CTSC: variants seen among roughly 807,000 people sequenced by gnomAD.
CTSC encodes cathepsin C, also known as dipeptidyl peptidase 1.
Under a neutral mutation model 40.9 loss-of-function variants are expected in CTSC, and 37 were observed. The observed-to-expected ratio is 0.91, with a 90% CI of 0.70 to 1.19. The LOEUF (loss-of-function observed/expected upper bound fraction) is 1.19, where lower values mean the gene tolerates loss of function less well. CTSC is among the 50% of genes most tolerant of loss of function. CTSC has a pLI of 0.00. For synonymous variants in CTSC, 232 were observed against 207.4 expected (o/e 1.12, Z -1.02); for missense variants, 594 against 567.3 (o/e 1.05, Z -0.48).
chr11:88,325,863 T>C, intron 2 of CTSC: 1 of 987,584 alleles, frequency 1.0e-6, no homozygotes, highest in Non-Finnish European at 1.2e-6. Context: ...CTTCAATAAC[T>C]TATATCTGTG....
intron 4 of CTSC, among the ~76,000 whole-genome samples, chr11:88,303,288 T>C (rs1047657015): frequency 6.6e-6 from 1 of 152,164 alleles, no homozygotes; most frequent in African/African-American, 2.4e-5. Flanking sequence ...TTTGACACTG[T>C]GTACTTAGAG....
intron 2 of CTSC, among the ~76,000 whole-genome samples, chr11:88,318,470 T>G (rs1442044030): frequency 6.6e-6 from 1 of 152,226 alleles, no homozygotes; most frequent in Non-Finnish European, 1.5e-5. Flanking sequence ...TGAAGGATAC[T>G]TCATCCATGC....
chr11:88,329,124 C>T (rs1369133648), intron 2 of CTSC, among the ~76,000 whole-genome samples: 5 of 152,064 alleles, frequency 3.3e-5, no homozygotes, highest in Non-Finnish European at 7.4e-5. Flanking sequence ...TTCTCTACTG[C>T]TCCCTTTTAG....
chr11:88,301,837 G>T (rs564306), intron 4 of CTSC, among the ~76,000 whole-genome samples: 1 of 107,090 alleles, frequency 9.3e-6, no homozygotes, highest in African/African-American at 3.4e-5. Context: ...CACACACACA[G>T]AGAGAGAACC....
intron 4 of CTSC, among the ~76,000 whole-genome samples, chr11:88,307,045 C>T (rs575528126): frequency 4.6e-5 from 7 of 152,184 alleles, no homozygotes; most frequent in Admixed American, 1.3e-4. Context: ...CATATGCCTG[C>T]GAGGGAGATA....
chr11:88,326,708 A>G (rs776526614), intron 2 of CTSC, among the ~76,000 whole-genome samples: 5 of 152,206 alleles, frequency 3.3e-5, no homozygotes, highest in Non-Finnish European at 5.9e-5. Flanking sequence ...AAAAAAACGA[A>G]TATGTTTCTG....
At chr11:88,332,241 A>C (rs1357422774) in intron 2 of CTSC, among the ~76,000 whole-genome samples, 3 of 152,238 alleles carry the variant, frequency 2.0e-5, no homozygotes, top group Non-Finnish European at 4.4e-5. Context: ...ATACTACTCA[A>C]GTTTTGATGT....
chr11:88,330,809 T>A (rs1263520566), intron 2 of CTSC, among the ~76,000 whole-genome samples: 3 of 152,224 alleles, frequency 2.0e-5, no homozygotes, highest in African/African-American at 7.2e-5. Flanking sequence ...TTTCTCAAGC[T>A]GTTAAAACCA....
In CTSC at chr11:88,309,295, T is replaced by C. The variant is rs763656343; in HGVS notation, c.509A>G (p.Tyr170Cys). ...QEKYSNRLYK[Y>C]DHNFVKAINA... ...GATAGCTTTCACAAAGTTGTGATCATACTTGTAGAGCCTATTAGAATACCT... is the reference window on the plus strand; with the variant it reads ...GATAGCTTTCACAAAGTTGTGATCACACTTGTAGAGCCTATTAGAATACCT... The change falls in exon 4 of 7, where the codon TAT becomes TGT. Residue 170 changes from tyrosine to cysteine, a missense_variant. Coordinates refer to ENST00000227266, the MANE Select transcript of CTSC (RefSeq NM_001814.6). The C allele has an allele frequency of 1.1e-5, 17 of 1,613,782 alleles. No homozygotes were observed. The South Asian group carries it at 1.6e-4, about 16-fold the overall frequency.
At chr11:88,335,173 C>T (rs1938461945) in intron 1 of CTSC, 91 bp from the exon 2 acceptor site, 1 of 883,262 alleles carries the variant, frequency 1.1e-6, no homozygotes, top group Non-Finnish European at 1.8e-6. Flanking sequence ...AATTGTGCTG[C>T]TTTCCTTTCA....
intron 4 of CTSC, among the ~76,000 whole-genome samples, chr11:88,304,327 C>T (rs1190190843): frequency 6.6e-6 from 1 of 152,082 alleles, no homozygotes; most frequent in Non-Finnish European, 1.5e-5. Context: ...AATAAAATGG[C>T]AGCTGTTATG....
intron 6 of CTSC, among the ~76,000 whole-genome samples, chr11:88,294,897 A>T (rs368625653): frequency 6.7e-4 from 102 of 152,322 alleles, no homozygotes; most frequent in African/African-American, 2.3e-3. Flanking sequence ...TAAAAATAGC[A>T]AAAGTTAGGT....
intron 2 of CTSC, among the ~76,000 whole-genome samples, chr11:88,332,746 G>A (rs1481563507): frequency 2.4e-4 from 36 of 152,144 alleles, no homozygotes; most frequent in Admixed American, 2.4e-3. Context: ...CCCTGATAAT[G>A]GTTTTGTCAA....
At chr11:88,313,965 A>G (rs1008087891) in intron 2 of CTSC, among the ~76,000 whole-genome samples, 2 of 152,192 alleles carry the variant, frequency 1.3e-5, no homozygotes, top group African/African-American at 4.8e-5. Flanking sequence ...AAAGCCATCA[A>G]AAGCAAGACT....
chr11:88,327,013 G>C (rs1404301230), intron 2 of CTSC, among the ~76,000 whole-genome samples: 1 of 151,962 alleles, frequency 6.6e-6, no homozygotes, highest in Non-Finnish European at 1.5e-5. Flanking sequence ...GTTTCCTATT[G>C]CATCTTCCTC....
intron 2 of CTSC, among the ~76,000 whole-genome samples, chr11:88,313,743 C>A (rs1161276932): frequency 1.3e-5 from 2 of 152,074 alleles, no homozygotes; most frequent in African/African-American, 4.8e-5. Context: ...ATTTGTAGAA[C>A]CTTGGGCAAG....
intron 2 of CTSC, chr11:88,324,412 G>A (rs999979247): frequency 2.0e-6 from 2 of 982,764 alleles, no homozygotes; most frequent in Non-Finnish European, 1.2e-6. Flanking sequence ...TTAAAACTCT[G>A]CAGGAAGGTA....
Position 88,293,958 on chromosome 11 carries a change from C to G in CTSC, c.*48G>C, listed in dbSNP as rs3891240. 8 of 1,599,060 alleles carry G rather than the reference C, an allele frequency of 5.0e-6. No individual in the cohort carries two copies. In the South Asian group the frequency reaches 7.7e-5, roughly 15 times the overall value. ...TCTACAGTCTGTGAATATACCAATT[C>G]CCCTTTACAACTGATGCAGATCATT... is the stretch of plus-strand genomic sequence containing the variant. On this transcript the variant is annotated 3_prime_UTR_variant, in exon 7 of 7. Transcript: ENST00000227266.
At chr11:88,296,369 T>C in intron 5 of CTSC, 105 bp from the exon 6 acceptor site, 1 of 1,398,030 alleles carries the variant, frequency 7.2e-7, no homozygotes, top group Non-Finnish European at 1.0e-6. Context: ...ATACTGAATG[T>C]TGTTGTTTAT....
Sources: gnomAD v4.1 joint callset for allele counts (sites outside exome capture counted in the v4.1 genomes callset) on GRCh38, gnomAD v4.1.1 for gene constraint, MANE v1.5 for transcripts, NCBI Gene and HGNC (gene_info 2026-07-23, HGNC 2026-07-21) for gene names.